MIPOL1: variants seen among roughly 807,000 people sequenced by gnomAD.
MIPOL1 encodes mirror-image polydactyly 1.
Under a neutral mutation model 60.9 loss-of-function variants are expected in MIPOL1, and 57 were observed. The observed-to-expected ratio is 0.94, with a 90% CI of 0.76 to 1.17. MIPOL1 has a LOEUF of 1.17. Ranked by LOEUF, MIPOL1 falls within the 50% of genes most tolerant of loss-of-function variation. MIPOL1 has a pLI of 0.00. For missense variants in MIPOL1, 551 were observed against 511.6 expected, an observed-to-expected ratio of 1.08 and a Z score of -0.74; for synonymous variants, 179 against 168.8, an observed-to-expected ratio of 1.06 and a Z score of -0.47.
At chr14:37,356,466 C>T (rs1283215040) in intron 9 of MIPOL1, among the ~76,000 whole-genome samples, 1 of 152,168 alleles carries the variant, frequency 6.6e-6, no homozygotes, top group African/African-American at 2.4e-5. Flanking sequence ...CTTTGTTTCC[C>T]TAAGCAAGCC....
chr14:37,359,620 T>A (rs909036313), intron 9 of MIPOL1, among the ~76,000 whole-genome samples: 3 of 14,812 alleles, frequency 2.0e-4, no homozygotes, highest in Non-Finnish European at 5.5e-4. Flanking sequence ...GTTCACTCAT[T>A]ATTTGGCTCT....
intron 8 of MIPOL1, 125 bp from the exon 9 acceptor site, chr14:37,308,224 A>G (rs2086957158): frequency 8.4e-7 from 1 of 1,185,682 alleles, no homozygotes; most frequent in African/African-American, 1.6e-5. Context: ...TCTTTGCTGC[A>G]ATATGAAAAT....
intron 10 of MIPOL1, chr14:37,385,850 A>G (rs994709535): frequency 6.6e-6 from 1 of 152,016 alleles, no homozygotes; most frequent in Admixed American, 6.6e-5. Flanking sequence ...TTGATATACC[A>G]TTTTAGAGAG....
At chr14:37,229,751 C>T (rs1463576121) in intron 1 of MIPOL1, among the ~76,000 whole-genome samples, 4 of 151,816 alleles carry the variant, frequency 2.6e-5, no homozygotes, top group Non-Finnish European at 5.9e-5. Context: ...TGTCATGATT[C>T]AAAAATGGGG....
intron 9 of MIPOL1, among the ~76,000 whole-genome samples, chr14:37,349,984 T>G (rs535480433): frequency 6.6e-6 from 1 of 152,234 alleles, no homozygotes; most frequent in South Asian, 2.1e-4. Context: ...TATTTTTTTT[T>G]AAATCTGAAT....
At chr14:37,233,765 A>G (rs1971002022) in intron 1 of MIPOL1, among the ~76,000 whole-genome samples, 1 of 152,188 alleles carries the variant, frequency 6.6e-6, no homozygotes, top group African/African-American at 2.4e-5. Flanking sequence ...AAGCTTTTCT[A>G]GGCATTTTTC....
intron 9 of MIPOL1, among the ~76,000 whole-genome samples, chr14:37,313,701 G>T (rs1740453244): frequency 6.6e-6 from 1 of 152,118 alleles, no homozygotes; most frequent in African/African-American, 2.4e-5. Context: ...TCTATTATAG[G>T]CGTAATGGAA....
At chr14:37,314,549 G>A (rs2087676846) in intron 9 of MIPOL1, among the ~76,000 whole-genome samples, 1 of 152,064 alleles carries the variant, frequency 6.6e-6, no homozygotes, top group African/African-American at 2.4e-5. Context: ...CTTCCTCTCT[G>A]CTTGTTGCTC....
intron 12 of MIPOL1, among the ~76,000 whole-genome samples, chr14:37,528,253 GA>G (rs1258862788): frequency 2.0e-5 from 3 of 151,876 alleles, no homozygotes; most frequent in Non-Finnish European, 4.4e-5. Flanking sequence ...AGCATATTAT[GA>G]AAAACTTCCT....
chr14:37,495,117 CTTT>C (rs71971937), intron 11 of MIPOL1, among the ~76,000 whole-genome samples: 106 of 140,218 alleles, frequency 7.6e-4, no homozygotes, highest in African/African-American at 2.3e-3. Flanking sequence ...GGTAATTTTT[CTTT>C]TTTTTTTTTT....
intron 1 of MIPOL1, among the ~76,000 whole-genome samples, chr14:37,203,371 A>AGACC (rs1460972905): frequency 1.3e-5 from 2 of 152,234 alleles, no homozygotes; most frequent in African/African-American, 4.8e-5. Flanking sequence ...GACTGCCAAG[A>AGACC]GACCGTAGGG....
intron 7 of MIPOL1, among the ~76,000 whole-genome samples, chr14:37,288,111 G>A (rs1441069534): frequency 6.6e-6 from 1 of 152,128 alleles, no homozygotes; most frequent in Non-Finnish European, 1.5e-5. Context: ...ATTAGCAGGA[G>A]TTAAGAATGG....
intron 9 of MIPOL1, among the ~76,000 whole-genome samples, chr14:37,313,502 A>C (rs1179147366): frequency 6.6e-6 from 1 of 152,120 alleles, no homozygotes; most frequent in Admixed American, 6.6e-5. Flanking sequence ...CTGGTACCTA[A>C]GTGAGGGGCC....
chr14:37,287,577 T>A (rs754499542), intron 7 of MIPOL1, among the ~76,000 whole-genome samples: 1 of 152,174 alleles, frequency 6.6e-6, no homozygotes, highest in Admixed American at 6.5e-5. Context: ...TTGAAAAATA[T>A]GTGGCTCATA....
At position 37,498,697 on chromosome 14, in the gene MIPOL1, C is replaced by A. The variant is rs962383753; in HGVS notation, c.1032-1211C>A. ...TTCTGTGTAGTAACCAGTTGACCAG[C>A]GCTTAGTAACAGTCCGTATTCTTAG... On this transcript the variant is annotated intron_variant, in intron 11 of 12. Transcript: ENST00000684589. 2.0e-5 allele frequency among the ~76,000 whole-genome samples: 3 copies of A among 152,176 alleles called. No homozygotes were observed. In the East Asian group the frequency reaches 5.8e-4, roughly 29 times the overall value.
chr14:37,348,231 G>C (rs2091085125), intron 9 of MIPOL1, among the ~76,000 whole-genome samples: 1 of 152,152 alleles, frequency 6.6e-6, no homozygotes, highest in South Asian at 2.1e-4. Flanking sequence ...ACATGTTGCT[G>C]TAAAGGACAT....
chr14:37,418,622 G>A (rs1346195798), intron 10 of MIPOL1, among the ~76,000 whole-genome samples: 1 of 152,020 alleles, frequency 6.6e-6, no homozygotes, highest in Non-Finnish European at 1.5e-5. Flanking sequence ...TGGAACAAAT[G>A]GGTCTGAATT....
chr14:37,360,312 T>C (rs966324287), intron 9 of MIPOL1, among the ~76,000 whole-genome samples: 6 of 152,226 alleles, frequency 3.9e-5, no homozygotes, highest in African/African-American at 1.4e-4. Context: ...CACGCTTTGG[T>C]ATCAGGGTGA....
chr14:37,365,774 T>G (rs1201651379), intron 9 of MIPOL1, among the ~76,000 whole-genome samples: 1 of 152,094 alleles, frequency 6.6e-6, no homozygotes, highest in African/African-American at 2.4e-5. Flanking sequence ...ATAGTTTGAG[T>G]AGGATTGGTA....
Sources: gnomAD v4.1 joint callset for allele counts (sites outside exome capture counted in the v4.1 genomes callset) on GRCh38, gnomAD v4.1.1 for gene constraint, MANE v1.5 for transcripts, NCBI Gene and HGNC (gene_info 2026-07-23, HGNC 2026-07-21) for gene names.